WWOX: variants seen among roughly 807,000 people sequenced by gnomAD.
WWOX encodes WW domain-containing oxidoreductase.
A neutral mutation model predicts 46.2 loss-of-function variants in WWOX; 69 were observed. The ratio of observed to expected loss-of-function variants is 1.49; its 90% CI spans 1.23 to 1.82. The LOEUF is 1.82. WWOX is among the 40% of genes most tolerant of loss of function. The pLI, the probability that WWOX is intolerant of heterozygous loss-of-function variation, is 0.00. For missense variants in WWOX, 919 were observed against 542.6 expected, an observed-to-expected ratio of 1.69 and a Z score of -6.89; for synonymous variants, 359 against 202.6, an observed-to-expected ratio of 1.77 and a Z score of -6.56.
intron 8 of WWOX, among the ~76,000 whole-genome samples, chr16:78,730,575 C>T (rs139587513): frequency 6.6e-6 from 1 of 151,178 alleles, no homozygotes; most frequent in Non-Finnish European, 1.5e-5. Flanking sequence ...ACCTAGCCTC[C>T]TAAGTAGCTG....
intron 8 of WWOX, among the ~76,000 whole-genome samples, chr16:78,749,996 A>G (rs185966033): frequency 5.2e-4 from 79 of 152,246 alleles, no homozygotes; most frequent in African/African-American, 1.7e-3. Context: ...GCTCCCCCCA[A>G]CAATCCCTTC....
At chr16:78,149,610 A>C (rs983574812) in intron 4 of WWOX, among the ~76,000 whole-genome samples, 12 of 152,220 alleles carry the variant, frequency 7.9e-5, no homozygotes, top group African/African-American at 2.7e-4. Context: ...TTGATGAAAC[A>C]GGTGGTATTT....
intron 8 of WWOX, among the ~76,000 whole-genome samples, chr16:78,459,040 A>G (rs1351266254): frequency 6.6e-6 from 1 of 152,196 alleles, no homozygotes; most frequent in Non-Finnish European, 1.5e-5. Context: ...TTAGTAAACT[A>G]ATGGATTACA....
At chr16:79,066,672 A>C (rs942017226) in intron 8 of WWOX, among the ~76,000 whole-genome samples, 1 of 152,224 alleles carries the variant, frequency 6.6e-6, no homozygotes, top group South Asian at 2.1e-4. Context: ...ACTTAATTCA[A>C]TCGGCGAATT....
At chr16:78,605,115 G>A in intron 8 of WWOX, among the ~76,000 whole-genome samples, 1 of 149,412 alleles carries the variant, frequency 6.7e-6, no homozygotes, top group Admixed American at 6.7e-5. Flanking sequence ...TGTTAAGTCT[G>A]TGTTAGCCTG....
chr16:79,203,956 C>G (rs988724245), intron 8 of WWOX: 1 of 152,154 alleles, frequency 6.6e-6, no homozygotes, highest in Non-Finnish European at 1.5e-5. Context: ...TCTTTTATAT[C>G]TTATAAACAC....
At chr16:78,228,144 A>C (rs1365656915) in intron 5 of WWOX, among the ~76,000 whole-genome samples, 1 of 152,044 alleles carries the variant, frequency 6.6e-6, no homozygotes, top group Admixed American at 6.5e-5. Flanking sequence ...CATCTCTTCC[A>C]GCCTTTGCAT....
At chr16:79,210,564 C>T (rs975591682) in intron 8 of WWOX, among the ~76,000 whole-genome samples, 7 of 152,148 alleles carry the variant, frequency 4.6e-5, no homozygotes, top group African/African-American at 1.7e-4. Context: ...TCTCTTGCAA[C>T]CCCTCTCCCT....
At chr16:79,154,015 G>A (rs977968117) in intron 8 of WWOX, among the ~76,000 whole-genome samples, 2 of 152,186 alleles carry the variant, frequency 1.3e-5, no homozygotes, top group Non-Finnish European at 1.5e-5. Context: ...GGAGAAAAAG[G>A]AGCAAGGCAT....
intron 8 of WWOX, among the ~76,000 whole-genome samples, chr16:78,767,601 C>G (rs895186795): frequency 6.6e-6 from 1 of 152,018 alleles, no homozygotes; most frequent in Non-Finnish European, 1.5e-5. Context: ...GAAATTGCTG[C>G]GTCGTTTCGT....
chr16:78,778,271 C>G (rs2050241228), intron 8 of WWOX, among the ~76,000 whole-genome samples: 1 of 152,058 alleles, frequency 6.6e-6, no homozygotes, highest in East Asian at 1.9e-4. Context: ...GAGCTCTTGG[C>G]AATACTCTGG....
chr16:78,431,903 A>T (rs772169898), intron 7 of WWOX, among the ~76,000 whole-genome samples: 1 of 151,930 alleles, frequency 6.6e-6, no homozygotes, highest in African/African-American at 2.4e-5. Flanking sequence ...TTTTGTAGAC[A>T]TGGTGTCTCC....
rs754792855 is a variant in WWOX, at chr16:78,830,062, A to T, written c.1057-381546A>T. On this transcript the variant is annotated intron_variant, in intron 8 of 8. Transcript: ENST00000566780. Reference sequence around the variant, plus strand: ...CACTAGAGGTCAGGAGTTCAAGACCAGCCTGGGTAACATAGTAACATAGGG... The same window carrying T: ...CACTAGAGGTCAGGAGTTCAAGACCTGCCTGGGTAACATAGTAACATAGGG... Among the ~76,000 whole-genome samples the T allele has an allele frequency of 1.1e-4, 16 of 152,262 alleles. 1 individual carries two copies. Among genetic ancestry groups the T allele is most frequent in the Non-Finnish European group, 2.1e-4 (14 of 68,012 alleles).
intron 8 of WWOX, among the ~76,000 whole-genome samples, chr16:78,569,589 C>T (rs1221577310): frequency 6.6e-6 from 1 of 152,080 alleles, no homozygotes; most frequent in African/African-American, 2.4e-5. Flanking sequence ...TGAAAATTGC[C>T]TTGTTGAAAA....
chr16:78,749,024 A>T (rs2049415513), intron 8 of WWOX, among the ~76,000 whole-genome samples: 1 of 152,260 alleles, frequency 6.6e-6, no homozygotes, highest in Non-Finnish European at 1.5e-5. Flanking sequence ...GTGGGATCAG[A>T]GAAATTAGCC....
At chr16:78,464,477 C>T (rs79801893) in intron 8 of WWOX, among the ~76,000 whole-genome samples, 7 of 152,224 alleles carry the variant, frequency 4.6e-5, no homozygotes, top group East Asian at 1.9e-4. Flanking sequence ...GAATACAAAT[C>T]GTATCACAAA....
At chr16:78,839,832 G>C (rs1254293522) in intron 8 of WWOX, among the ~76,000 whole-genome samples, 1 of 152,190 alleles carries the variant, frequency 6.6e-6, no homozygotes, top group Non-Finnish European at 1.5e-5. Context: ...TCATCGTCTA[G>C]AGATATTTCT....
intron 5 of WWOX, among the ~76,000 whole-genome samples, chr16:78,367,231 G>A (rs537400564): frequency 1.1e-4 from 17 of 152,016 alleles, no homozygotes; most frequent in East Asian, 3.9e-4. Context: ...CAACTGCCTC[G>A]CCCTCCCAAA....
At chr16:78,180,374 C>G (rs2035490374) in intron 5 of WWOX, among the ~76,000 whole-genome samples, 2 of 151,904 alleles carry the variant, frequency 1.3e-5, no homozygotes, top group South Asian at 4.2e-4. Flanking sequence ...CAGCTGTACC[C>G]AAGAGTTGGG....
Sources: allele counts gnomAD v4.1 joint callset (sites outside exome capture counted in the v4.1 genomes callset), GRCh38; gene constraint gnomAD v4.1.1; transcripts MANE v1.5; gene names NCBI Gene and HGNC (gene_info 2026-07-23, HGNC 2026-07-21).